The following PAK5 variants were observed in gnomAD, a reference collection of about 807,000 sequenced individuals.
PAK5 encodes the protein serine/threonine-protein kinase PAK 5.
Under a neutral mutation model 65.9 loss-of-function variants are expected in PAK5, and 16 were observed. The observed-to-expected ratio is 0.24, with a 90% CI of 0.16 to 0.37. The LOEUF is 0.37. Among genes scored for constraint, PAK5 ranks in the 10% least tolerant of loss-of-function variants. The pLI, the probability that PAK5 is intolerant of heterozygous loss-of-function variation, is 1.00. For missense variants in PAK5, 785 were observed against 903.9 expected (o/e 0.87, Z 1.69); for synonymous variants, 371 against 354.9 (o/e 1.05, Z -0.51).
chr20:9,596,590 A>G (rs1037525878), intron 3 of PAK5, among the ~76,000 whole-genome samples: 1 of 144,420 alleles, frequency 6.9e-6, no homozygotes, highest in Non-Finnish European at 1.5e-5. Context: ...GAGCTGAGAT[A>G]GCACTACTGC....
chr20:9,541,505 T>C (rs936955069), intron 9 of PAK5, among the ~76,000 whole-genome samples: 2 of 152,180 alleles, frequency 1.3e-5, no homozygotes, highest in African/African-American at 4.8e-5. Flanking sequence ...AAGACCTACC[T>C]TTTTCCCCTT....
At position 9,644,239 on chromosome 20, in the gene PAK5, C is replaced by T; in HGVS notation, c.90G>A (p.Gln30=). ...RVHTGFDPQE[Q]KFTGLPQQWH... ...ACTGCTGGGGAAGGCCGGTAAACTTCTGCTCTTGTGGATCAAACCCAGTAT... is the reference window on the plus strand; with the variant it reads ...ACTGCTGGGGAAGGCCGGTAAACTTTTGCTCTTGTGGATCAAACCCAGTAT... Residue 30 remains glutamine, a synonymous_variant, in exon 3 of 10, where the codon CAG becomes CAA. Coordinates refer to ENST00000353224, the MANE Select transcript of PAK5 (RefSeq NM_177990.4). 1 of 1,607,566 alleles carries T rather than the reference C, an allele frequency of 6.2e-7. No individual in the cohort carries two copies. The highest frequency in any genetic ancestry group is 8.5e-7 in the Non-Finnish European group (1 of 1,177,830).
At chr20:9,802,389 G>A (rs2049179502) in intron 1 of PAK5, among the ~76,000 whole-genome samples, 2 of 152,106 alleles carry the variant, frequency 1.3e-5, no homozygotes, top group Non-Finnish European at 2.9e-5. Flanking sequence ...TATGAACAAT[G>A]ATAAACGCAG....
intron 1 of PAK5, among the ~76,000 whole-genome samples, chr20:9,811,636 A>T (rs867305427): frequency 2.6e-5 from 4 of 152,082 alleles, no homozygotes; most frequent in Non-Finnish European, 2.9e-5. Context: ...ACATCTAGAA[A>T]CTCAGTCAAT....
At chr20:9,726,111 C>T (rs1293019572) in intron 1 of PAK5, among the ~76,000 whole-genome samples, 1 of 151,956 alleles carries the variant, frequency 6.6e-6, no homozygotes, top group African/African-American at 2.4e-5. Flanking sequence ...TGGGCAGTTT[C>T]TTAATAAAGG....
At chr20:9,774,098 G>A (rs571729565) in intron 1 of PAK5, among the ~76,000 whole-genome samples, 21 of 152,282 alleles carry the variant, frequency 1.4e-4, no homozygotes, top group South Asian at 2.1e-4. Flanking sequence ...TTCTTACATC[G>A]CCATGGTAAG....
chr20:9,722,584 C>G (rs1447661306), intron 1 of PAK5, among the ~76,000 whole-genome samples: 1 of 151,820 alleles, frequency 6.6e-6, no homozygotes, highest in African/African-American at 2.4e-5. Flanking sequence ...TGCACTCCAG[C>G]CTGGGGGGAC....
At chr20:9,587,314 A>T (rs568241760) in intron 3 of PAK5, among the ~76,000 whole-genome samples, 1 of 152,190 alleles carries the variant, frequency 6.6e-6, no homozygotes, top group Non-Finnish European at 1.5e-5. Context: ...TACAAAATAC[A>T]TATTTCTTGA....
At chr20:9,582,860 C>T (rs1047536273) in intron 3 of PAK5, among the ~76,000 whole-genome samples, 6 of 152,088 alleles carry the variant, frequency 3.9e-5, no homozygotes, top group African/African-American at 1.4e-4. Context: ...CTGTTATTTG[C>T]CTTGTTGCTC....
chr20:9,645,078 T>C (rs1330578820), intron 2 of PAK5, among the ~76,000 whole-genome samples: 1 of 152,186 alleles, frequency 6.6e-6, no homozygotes, highest in Non-Finnish European at 1.5e-5. Flanking sequence ...TGGAAAAACA[T>C]CTGTCACAAA....
At chr20:9,599,552 C>T (rs1289108480) in intron 3 of PAK5, among the ~76,000 whole-genome samples, 1 of 152,184 alleles carries the variant, frequency 6.6e-6, no homozygotes, top group Non-Finnish European at 1.5e-5. Flanking sequence ...CATAGCCATC[C>T]TAATGGGTGT....
At chr20:9,641,336 C>T (rs2047057329) in intron 3 of PAK5, among the ~76,000 whole-genome samples, 1 of 150,704 alleles carries the variant, frequency 6.6e-6, no homozygotes, top group African/African-American at 2.5e-5. Context: ...TCTCCAAGGC[C>T]CCACCAGAGC....
chr20:9,571,865 C>T (rs1361370837), intron 4 of PAK5, among the ~76,000 whole-genome samples: 2 of 89,112 alleles, frequency 2.2e-5, no homozygotes, highest in South Asian at 7.4e-4. Context: ...CAGAGATAGG[C>T]ATGAATGATG....
chr20:9,728,630 T>C (rs2123544750), intron 1 of PAK5, among the ~76,000 whole-genome samples: 1 of 152,252 alleles, frequency 6.6e-6, no homozygotes, highest in South Asian at 2.1e-4. Context: ...AACAACTAAA[T>C]ACATTTTGGA....
At chr20:9,829,975 C>T (rs1978577748) in intron 1 of PAK5, among the ~76,000 whole-genome samples, 1 of 152,130 alleles carries the variant, frequency 6.6e-6, no homozygotes, top group South Asian at 2.1e-4. Context: ...CCATTTACAC[C>T]TCCCACCAAC....
intron 1 of PAK5, among the ~76,000 whole-genome samples, chr20:9,777,416 T>C (rs1600362226): frequency 6.6e-6 from 1 of 152,212 alleles, no homozygotes; most frequent in African/African-American, 2.4e-5. Context: ...CAAGATCTGA[T>C]GGTTTAATAC....
intron 1 of PAK5, among the ~76,000 whole-genome samples, chr20:9,810,299 G>A (rs748770672): frequency 3.9e-5 from 6 of 152,336 alleles, no homozygotes; most frequent in South Asian, 2.1e-4. Context: ...ACAGCCAGCC[G>A]TTGTGGCTCA....
chr20:9,566,217 G>C lies in PAK5; in HGVS notation c.1158C>G (p.Pro386=), dbSNP rs1204009716. Residue 386 remains proline (P), a synonymous_variant, in exon 5 of 10, where the codon CCC becomes CCG. Coordinates refer to ENST00000353224, the MANE Select transcript of PAK5 (RefSeq NM_177990.4). ...GYHKATLYHH[P]SLQSSSQYIS... The stretch of plus-strand genomic sequence containing the variant: ...TGTACTGCGAACTGCTCTGCAGGGA[G>C]GGGTGATGGTACAAGGTGGCTTTGT... 1.2e-6 allele frequency: 2 copies of C among 1,613,664 alleles called. No homozygotes were observed. The highest frequency in any genetic ancestry group is 3.3e-5 in the Admixed American group (2 of 60,000).
intron 2 of PAK5, among the ~76,000 whole-genome samples, chr20:9,682,430 G>T (rs1452772738): frequency 2.0e-5 from 3 of 152,286 alleles, no homozygotes; most frequent in African/African-American, 7.2e-5. Context: ...GGTGAGAAAA[G>T]AAAGATGTGA....
Sources: allele counts gnomAD v4.1 joint callset (sites outside exome capture counted in the v4.1 genomes callset), GRCh38; gene constraint gnomAD v4.1.1; transcripts MANE v1.5; gene names NCBI Gene and HGNC (gene_info 2026-07-23, HGNC 2026-07-21).